The following LPIN2 variants were observed in gnomAD, a reference collection of about 807,000 sequenced individuals.
The protein encoded by LPIN2 is lipin 2, also known as phosphatidate phosphatase LPIN2.
Under a neutral mutation model 111.4 loss-of-function variants are expected in LPIN2, and 55 were observed. The observed-to-expected ratio is 0.49, with a 90% CI of 0.40 to 0.62. LPIN2 has a LOEUF of 0.62. Ranked by LOEUF, LPIN2 falls within the 20% of genes least tolerant of loss-of-function variation. The pLI, the probability that LPIN2 is intolerant of heterozygous loss-of-function variation, is 0.00. For synonymous variants in LPIN2, 425 were observed against 414.0 expected (o/e 1.03, Z -0.32); for missense variants, 992 against 1,112.1 (o/e 0.89, Z 1.54).
chr18:2,956,874 A>G (rs2077623799), intron 2 of LPIN2, among the ~76,000 whole-genome samples: 1 of 152,234 alleles, frequency 6.6e-6, no homozygotes, highest in Non-Finnish European at 1.5e-5. Context: ...ACCTAACATC[A>G]AATTATGCTA....
intron 6 of LPIN2, among the ~76,000 whole-genome samples, chr18:2,939,275 A>C (rs555264753): frequency 1.3e-5 from 2 of 152,390 alleles, no homozygotes; most frequent in African/African-American, 4.8e-5. Flanking sequence ...TATACACAAA[A>C]TACTACTGAA....
intron 9 of LPIN2, among the ~76,000 whole-genome samples, chr18:2,929,510 A>G (rs2077185051): frequency 6.6e-6 from 1 of 152,228 alleles, no homozygotes; most frequent in South Asian, 2.1e-4. Context: ...TCGAAGTTCT[A>G]TTCTCAGAGG....
chr18:3,007,052 G>A (rs1477813926), intron 1 of LPIN2, among the ~76,000 whole-genome samples: 2 of 150,362 alleles, frequency 1.3e-5, no homozygotes, highest in African/African-American at 2.5e-5. Flanking sequence ...CAAAAACAAA[G>A]CTTTATCTCT....
chr18:2,965,055 T>C (rs1164939777), intron 1 of LPIN2, among the ~76,000 whole-genome samples: 2 of 152,156 alleles, frequency 1.3e-5, no homozygotes, highest in Non-Finnish European at 2.9e-5. Flanking sequence ...GTGTGCTGTT[T>C]AGGCCTAGGT....
rs1447989230 is a variant in LPIN2, at chr18:2,920,434, A to ATACC, written c.2547-1_2549dup (p.Tyr850Ter). 1 of 1,613,726 alleles carries ATACC rather than the reference A, an allele frequency of 6.2e-7. No individual in the cohort carries two copies. Among genetic ancestry groups the ATACC allele is most frequent in the Admixed American group, 1.7e-5 (1 of 60,030 alleles). ...GCTCCACGAGCTCACTCAGCCTGTG[A>ATACC]TACCTAAGAGAAAGGTTGGGGAAGA... is the stretch of plus-strand genomic sequence containing the variant. On this transcript the variant is annotated stop_gained and frameshift_variant, in exon 20 of 20. Transcript: ENST00000677752. LOFTEE classifies it high-confidence loss of function.
At chr18:2,981,638 TATA>T (rs1317961823) in intron 1 of LPIN2, among the ~76,000 whole-genome samples, 2 of 152,250 alleles carry the variant, frequency 1.3e-5, no homozygotes, top group Non-Finnish European at 2.9e-5. Context: ...GTATACATTC[TATA>T]ATATTACAAT....
At chr18:3,000,380 T>C (rs2078416975) in intron 1 of LPIN2, among the ~76,000 whole-genome samples, 2 of 152,188 alleles carry the variant, frequency 1.3e-5, no homozygotes, top group Admixed American at 1.3e-4. Context: ...ATTTTCCAAA[T>C]TGAAAGTTCC....
At chr18:3,005,691 A>AC (rs1310474514) in intron 1 of LPIN2, among the ~76,000 whole-genome samples, 6 of 150,922 alleles carry the variant, frequency 4.0e-5, no homozygotes, top group Non-Finnish European at 7.4e-5. Context: ...ACACACACAC[A>AC]CACACACACA....
At position 2,990,465 on chromosome 18, in the gene LPIN2, G is replaced by A. The variant is rs540061399; in HGVS notation, c.-10+22622C>T. ...AAGACAAATGATTCAATTAAAATAT[G>A]GGCAAAGGATCTAGATAAACCCTTC... On this transcript the variant is annotated intron_variant, in intron 1 of 19. Coordinates refer to ENST00000677752, the MANE Select transcript of LPIN2 (RefSeq NM_001375808.2). 7.2e-5 allele frequency among the ~76,000 whole-genome samples: 11 copies of A among 152,218 alleles called. No individual in the cohort carries two copies. The South Asian group carries it at 2.3e-3, about 32-fold the overall frequency.
At chr18:2,957,536 G>A (rs11665407) in intron 2 of LPIN2, among the ~76,000 whole-genome samples, 57,455 of 151,960 alleles carry the variant, frequency 0.38, 11,200 homozygotes, top group East Asian at 0.62. Context: ...GTGGGCTGTT[G>A]TCCAAGCCAA....
chr18:2,996,284 G>A (rs1035290047), intron 1 of LPIN2, among the ~76,000 whole-genome samples: 1 of 151,624 alleles, frequency 6.6e-6, no homozygotes, highest in Non-Finnish European at 1.5e-5. Flanking sequence ...AGGTTGCAGT[G>A]AGCCGAGATC....
Position 2,917,460 on chromosome 18 carries a change from G to A in LPIN2, c.*2833C>T, listed in dbSNP as rs969330101. On this transcript the variant is annotated 3_prime_UTR_variant, in exon 20 of 20. Transcript: ENST00000677752. ...TTGGCCTGCACCTGCAGTGCCAACTGTGGAAGGGCTGTGTGCAGGCCCCAC... is the reference window on the plus strand; with the variant it reads ...TTGGCCTGCACCTGCAGTGCCAACTATGGAAGGGCTGTGTGCAGGCCCCAC... 6.6e-6 allele frequency: 1 copy of A among 152,246 alleles called. No individual in the cohort carries two copies. Among genetic ancestry groups the A allele is most frequent in the African/African-American group, 2.4e-5 (1 of 41,456 alleles). 9.4% of individuals were successfully genotyped at this position (152,246 alleles called of 1,614,324 possible). A position where few individuals can be genotyped will look rare whatever the true frequency, so the allele number is the denominator to read the frequency against.
At chr18:2,990,817 A>G in intron 1 of LPIN2, 1 of 396,408 alleles carries the variant, frequency 2.5e-6, no homozygotes, top group South Asian at 2.0e-5. Context: ...ACAAGGAAAG[A>G]TACTTCCTAC....
chr18:3,012,308 T>C (rs1039703302), intron 1 of LPIN2, among the ~76,000 whole-genome samples: 1 of 152,236 alleles, frequency 6.6e-6, no homozygotes, highest in African/African-American at 2.4e-5. Flanking sequence ...AAGGGTGATC[T>C]TTCTGGTACT....
Position 2,928,611 on chromosome 18 carries a change from A to T in LPIN2, c.1600T>A (p.Phe534Ile). Reference protein sequence around the residue: ...AAPMILSLQVFQKSLPKATVE... With the variant: ...AAPMILSLQVIQKSLPKATVE... ...CTCACCTTAGGCAAGCTCTTCTGGAATACTTGCAAGCTAAGGATCATGGGA... is the reference window on the plus strand; with the variant it reads ...CTCACCTTAGGCAAGCTCTTCTGGATTACTTGCAAGCTAAGGATCATGGGA... Residue 534 changes from phenylalanine to isoleucine, a missense_variant, in exon 11 of 20, where the codon TTC (phenylalanine) becomes ATC (isoleucine). By Grantham distance (21) the Phe-to-Ile change is conservative. Coordinates refer to ENST00000677752, the MANE Select transcript of LPIN2 (RefSeq NM_001375808.2). 6.2e-7 allele frequency: 1 copy of T among 1,614,226 alleles called. No homozygotes were observed. The highest frequency in any genetic ancestry group is 2.2e-5 in the East Asian group (1 of 44,884).
intron 1 of LPIN2, among the ~76,000 whole-genome samples, chr18:3,007,986 G>C (rs1055256872): frequency 2.0e-5 from 3 of 152,196 alleles, no homozygotes; most frequent in African/African-American, 7.2e-5. Flanking sequence ...ATAATGCACT[G>C]AATAGATGAG....
chr18:2,982,763 A>T lies in LPIN2; in HGVS notation c.-9-21914T>A, dbSNP rs1042299703. On this transcript the variant is annotated intron_variant, in intron 1 of 19. Transcript: ENST00000677752. ...TCATCTTCCTTGTCATCTTCTAAGTAAAACATCTTGAAATTTAACTAGCAT... is the reference window on the plus strand; with the variant it reads ...TCATCTTCCTTGTCATCTTCTAAGTTAAACATCTTGAAATTTAACTAGCAT... 5 of 1,288,566 alleles carry T rather than the reference A, an allele frequency of 3.9e-6. No individual in the cohort carries two copies. The Admixed American group carries it at 9.2e-5, about 24-fold the overall frequency. 79.8% of individuals were successfully genotyped at this position (1,288,566 alleles called of 1,614,324 possible). A position where few individuals can be genotyped will look rare whatever the true frequency, so the allele number is the denominator to read the frequency against.
At position 2,919,073 on chromosome 18, in the gene LPIN2, C is replaced by T. The variant is rs886053749; in HGVS notation, c.*1220G>A. 1 of 152,210 alleles carries T rather than the reference C, an allele frequency of 6.6e-6. No homozygotes were observed. The highest frequency in any genetic ancestry group is 1.5e-5 in the Non-Finnish European group (1 of 68,044). The allele number at this position is 152,210 out of a possible 1,614,324, so 9.4% of individuals were successfully genotyped here. On this transcript the variant is annotated 3_prime_UTR_variant, in exon 20 of 20. Transcript: ENST00000677752. ...GGAGCAGCTTATGGCACACCTTTCC[C>T]TGGTGCCATCTCTTCAGACACGATG... is the stretch of plus-strand genomic sequence containing the variant.
chr18:2,922,299 G>C, intron 16 of LPIN2, 100 bp from the exon 17 acceptor site: 1 of 1,306,878 alleles, frequency 7.7e-7, no homozygotes, highest in Non-Finnish European at 1.1e-6. Context: ...TTTTTTTTTT[G>C]AGTCTCACTC....
Sources: gnomAD v4.1 joint callset for allele counts (sites outside exome capture counted in the v4.1 genomes callset) on GRCh38, gnomAD v4.1.1 for gene constraint, MANE v1.5 for transcripts, NCBI Gene and HGNC (gene_info 2026-07-23, HGNC 2026-07-21) for gene names.